Variants in LAMTOR3 observed in about 807,000 individuals in gnomAD.
LAMTOR3 encodes late endosomal/lysosomal adaptor, MAPK and MTOR activator 3.
In LAMTOR3, 14 loss-of-function variants were observed where a neutral mutation model predicts 20.3. The observed-to-expected ratio is 0.69, with a 90% CI of 0.46 to 1.08. LAMTOR3 has a LOEUF of 1.08. Among genes scored for constraint, LAMTOR3 ranks in the 50% least tolerant of loss-of-function variants. The pLI, the probability that LAMTOR3 is intolerant of heterozygous loss-of-function variation, is 0.00. For missense variants in LAMTOR3, 125 were observed against 143.7 expected (o/e 0.87, Z 0.67); for synonymous variants, 40 against 49.4 (o/e 0.81, Z 0.80).
chr4:99,885,727 G>C, intron 4 of LAMTOR3, 52 bp from the exon 5 acceptor site: 4 of 1,438,504 alleles, frequency 2.8e-6, no homozygotes, highest in African/African-American at 1.5e-5. Context: ...ATGGTAGAGA[G>C]ATTTACAGCC....
intron 4 of LAMTOR3, 72 bp from the exon 5 acceptor site, chr4:99,885,747 C>A: frequency 7.9e-7 from 1 of 1,266,380 alleles, no homozygotes; most frequent in Admixed American, 2.4e-5. Context: ...CCTTTTTTTT[C>A]ATAAACCTCT....
In LAMTOR3 at chr4:99,879,993, T is replaced by C. The variant is rs556303149; in HGVS notation, c.*2001A>G. 1 of 152,256 alleles carries C rather than the reference T, an allele frequency of 6.6e-6. No homozygotes were observed. The highest frequency in any genetic ancestry group is 1.9e-4 in the East Asian group (1 of 5,188). 9.4% of individuals were successfully genotyped at this position (152,256 alleles called of 1,614,324 possible). On this transcript the variant is annotated 3_prime_UTR_variant, in exon 7 of 7. Coordinates refer to ENST00000499666, the MANE Select transcript of LAMTOR3 (RefSeq NM_021970.4). ...CACACCTAGGCTATATGGTATAGCC[T>C]GCTGTTCTGACCACCCTCGTATGTG... is the stretch of plus-strand genomic sequence containing the variant.
In LAMTOR3 at chr4:99,881,221, CTATTT is replaced by C. The variant is rs954154830; in HGVS notation, c.*768_*772del. 2 of 152,054 alleles carry C rather than the reference CTATTT, an allele frequency of 1.3e-5. No individual in the cohort carries two copies. Among genetic ancestry groups the C allele is most frequent in the Non-Finnish European group, 1.5e-5 (1 of 67,996 alleles). 9.4% of individuals were successfully genotyped at this position (152,054 alleles called of 1,614,324 possible). Reference sequence around the variant, plus strand: ...TGCTCAAACTATATTTTTAAAAATACTATTTTATTTTTACTCACATATGAAAAAAA... The same window carrying C: ...TGCTCAAACTATATTTTTAAAAATACTATTTTTACTCACATATGAAAAAAA... On this transcript the variant is annotated 3_prime_UTR_variant, in exon 7 of 7. Transcript: ENST00000499666.
At chr4:99,891,657 C>T (rs900974031) in intron 3 of LAMTOR3, among the ~76,000 whole-genome samples, 1 of 151,968 alleles carries the variant, frequency 6.6e-6, no homozygotes, top group Non-Finnish European at 1.5e-5. Flanking sequence ...CCAACAAAGA[C>T]GAAATACAGC....
rs1431785959 is a variant in LAMTOR3 at position 99,881,912 on chromosome 4, G to T, written c.*82C>A. On this transcript the variant is annotated 3_prime_UTR_variant, in exon 7 of 7. Coordinates refer to ENST00000499666, the MANE Select transcript of LAMTOR3 (RefSeq NM_021970.4). ...CCCTTTCTTGAGCACATGGATAAAA[G>T]TATTATTGTAGTCTAAAGATTGCTG... 8.3e-6 allele frequency: 8 copies of T among 959,468 alleles called. No individual in the cohort carries two copies. Among genetic ancestry groups the T allele is most frequent in the Non-Finnish European group, 1.3e-5 (8 of 607,980 alleles). The allele number at this position is 959,468 out of a possible 1,614,324, so 59.4% of individuals were successfully genotyped here.
rs1724798050 is a variant in LAMTOR3, at chr4:99,880,194, T to C, written c.*1800A>G. Reference sequence around the variant, plus strand: ...CCTATGTATAGCTTTATCATAGCACTTTCTATACCTGCTTCCTTTACTGAA... The same window carrying C: ...CCTATGTATAGCTTTATCATAGCACCTTCTATACCTGCTTCCTTTACTGAA... On this transcript the variant is annotated 3_prime_UTR_variant, in exon 7 of 7. Transcript: ENST00000499666. 6.6e-6 allele frequency: 1 copy of C among 152,142 alleles called. No individual in the cohort carries two copies. The highest frequency in any genetic ancestry group is 2.4e-5 in the African/African-American group (1 of 41,400). 9.4% of individuals were successfully genotyped at this position (152,142 alleles called of 1,614,324 possible).
In LAMTOR3 at chr4:99,878,648, G is replaced by A. The variant is rs1305202905; in HGVS notation, c.*3346C>T. On this transcript the variant is annotated 3_prime_UTR_variant, in exon 7 of 7. Coordinates refer to ENST00000499666, the MANE Select transcript of LAMTOR3 (RefSeq NM_021970.4). Reference sequence around the variant, plus strand: ...TCAATTGTAGCATGCCATACAGTTTGACACCATGCTTTTCTCAATAAACAT... The same window carrying A: ...TCAATTGTAGCATGCCATACAGTTTAACACCATGCTTTTCTCAATAAACAT... 6.6e-6 allele frequency: 1 copy of A among 152,124 alleles called. No homozygotes were observed. Among genetic ancestry groups the A allele is most frequent in the Non-Finnish European group, 1.5e-5 (1 of 68,020 alleles). 9.4% of individuals were successfully genotyped at this position (152,124 alleles called of 1,614,324 possible).
In LAMTOR3 at chr4:99,880,955, GTTTCT is replaced by G. The variant is rs1173812876; in HGVS notation, c.*1034_*1038del. 2 of 152,192 alleles carry G rather than the reference GTTTCT, an allele frequency of 1.3e-5. No homozygotes were observed. Among genetic ancestry groups the G allele is most frequent in the African/African-American group, 2.4e-5 (1 of 41,442 alleles). The allele number at this position is 152,192 out of a possible 1,614,324, so 9.4% of individuals were successfully genotyped here. ...TTAGGTTCATGCCTGAGGTTTCTTG[GTTTCT>G]TTTCTTTTTTGTTTTTGAGACGGAG... On this transcript the variant is annotated 3_prime_UTR_variant, in exon 7 of 7. Coordinates refer to ENST00000499666, the MANE Select transcript of LAMTOR3 (RefSeq NM_021970.4).
Position 99,893,983 on chromosome 4 carries a change from C to CA in LAMTOR3, c.-21dup. On this transcript the variant is annotated 5_prime_UTR_variant, in exon 2 of 7. Coordinates refer to ENST00000499666, the MANE Select transcript of LAMTOR3 (RefSeq NM_021970.4). ...CGCCATGATGAACCCCCTTCTCTCG[C>CA]AGGATCAATCTCCACGCCTGGAAGA... The CA allele has an allele frequency of 6.5e-7, 1 of 1,539,884 alleles. No individual in the cohort carries two copies. Among genetic ancestry groups the CA allele is most frequent in the Non-Finnish European group, 8.8e-7 (1 of 1,138,576 alleles).
chr4:99,888,312 A>G (rs777489528), intron 3 of LAMTOR3, among the ~76,000 whole-genome samples: 1 of 152,236 alleles, frequency 6.6e-6, no homozygotes, highest in Non-Finnish European at 1.5e-5. Flanking sequence ...ATTCAAAAAT[A>G]TCACTTATTA....
At chr4:99,888,102 A>C (rs1414283035) in intron 3 of LAMTOR3, among the ~76,000 whole-genome samples, 2 of 152,258 alleles carry the variant, frequency 1.3e-5, no homozygotes, top group African/African-American at 4.8e-5. Context: ...TAGTAAGCAG[A>C]ACGGTCAAGC....
intron 5 of LAMTOR3, 109 bp downstream of exon 5, chr4:99,885,433 T>C (rs887425384): frequency 1.1e-6 from 1 of 904,256 alleles, no homozygotes; most frequent in Admixed American, 3.2e-5. Flanking sequence ...TACAATTTCA[T>C]CCTCTTCAAA....
intron 5 of LAMTOR3, among the ~76,000 whole-genome samples, chr4:99,885,209 T>C (rs946042060): frequency 1.3e-5 from 2 of 152,300 alleles, no homozygotes; most frequent in East Asian, 3.9e-4. Context: ...TTTTTATCTG[T>C]TACTACAACA....
chr4:99,884,414 A>G (rs1724884636), intron 5 of LAMTOR3, among the ~76,000 whole-genome samples: 1 of 152,206 alleles, frequency 6.6e-6, no homozygotes, highest in African/African-American at 2.4e-5. Context: ...TATCAATTAC[A>G]TTGTAAGGAC....
chr4:99,888,956 G>A (rs1724975772), intron 3 of LAMTOR3, among the ~76,000 whole-genome samples: 1 of 152,132 alleles, frequency 6.6e-6, no homozygotes, highest in African/African-American at 2.4e-5. Flanking sequence ...TGTAATCCCA[G>A]CAATTTGGGA....
rs568208742 is a variant in LAMTOR3, at chr4:99,891,303, T to C, written c.44+697A>G. ...GCCCTCATTTTGCATAGTTCCAATATGCACATTTTAGTTACTATGGTTAAG... is the reference window on the plus strand; with the variant it reads ...GCCCTCATTTTGCATAGTTCCAATACGCACATTTTAGTTACTATGGTTAAG... On this transcript the variant is annotated intron_variant, in intron 3 of 6. Transcript: ENST00000499666. Among the ~76,000 whole-genome samples the C allele has an allele frequency of 2.0e-5, 3 of 152,316 alleles. No homozygotes were observed. The South Asian group carries it at 6.2e-4, about 32-fold the overall frequency.
rs765201708 is a variant in LAMTOR3, at chr4:99,880,953, T to G, written c.*1041A>C. 3 of 152,306 alleles carry G rather than the reference T, an allele frequency of 2.0e-5. No homozygotes were observed. Among genetic ancestry groups the G allele is most frequent in the Non-Finnish European group, 4.4e-5 (3 of 68,078 alleles). The allele number at this position is 152,306 out of a possible 1,614,324, so 9.4% of individuals were successfully genotyped here. ...AATTAGGTTCATGCCTGAGGTTTCTTGGTTTCTTTTCTTTTTTGTTTTTGA... is the reference window on the plus strand; with the variant it reads ...AATTAGGTTCATGCCTGAGGTTTCTGGGTTTCTTTTCTTTTTTGTTTTTGA... On this transcript the variant is annotated 3_prime_UTR_variant, in exon 7 of 7. Transcript: ENST00000499666.
At position 99,881,966 on chromosome 4, in the gene LAMTOR3, T is replaced by C. The variant is rs934523058; in HGVS notation, c.*28A>G. 7.1e-7 allele frequency: 1 copy of C among 1,415,464 alleles called. No individual in the cohort carries two copies. The allele number at this position is 1,415,464 out of a possible 1,614,324, so 87.7% of individuals were successfully genotyped here. A position where few individuals can be genotyped will look rare whatever the true frequency, so the allele number is the denominator to read the frequency against. On this transcript the variant is annotated 3_prime_UTR_variant, in exon 7 of 7. Transcript: ENST00000499666. The stretch of plus-strand genomic sequence containing the variant: ...TGATATTGTGTTGTTATAATGAAGA[T>C]AAGGTACACACTGAAACCACTGTCA...
At chr4:99,887,894 A>C (rs1238776398) in intron 3 of LAMTOR3, among the ~76,000 whole-genome samples, 1 of 152,230 alleles carries the variant, frequency 6.6e-6, no homozygotes, top group Non-Finnish European at 1.5e-5. Flanking sequence ...GTTCATAGGG[A>C]TATGAGAACC....
Sources: gnomAD v4.1 joint callset for allele counts (sites outside exome capture counted in the v4.1 genomes callset) on GRCh38, gnomAD v4.1.1 for gene constraint, MANE v1.5 for transcripts, NCBI Gene and HGNC (gene_info 2026-07-23, HGNC 2026-07-21) for gene names.